Variants in CDK6 observed in about 807,000 individuals in gnomAD.
CDK6 encodes the protein cyclin-dependent kinase 6.
Under a neutral mutation model 37.1 loss-of-function variants are expected in CDK6, and 6 were observed. The observed-to-expected ratio is 0.16, with a 90% CI of 0.09 to 0.32. The LOEUF is 0.32. Ranked by LOEUF, CDK6 falls within the 10% of genes least tolerant of loss-of-function variation. The pLI, the probability that CDK6 is intolerant of heterozygous loss-of-function variation, is 1.00. For missense variants in CDK6, 224 were observed against 418.9 expected (o/e 0.53, Z 4.06); for synonymous variants, 160 against 161.3 (o/e 0.99, Z 0.06).
chr7:92,698,548 G>T (rs1160822431), intron 4 of CDK6, among the ~76,000 whole-genome samples: 1 of 152,130 alleles, frequency 6.6e-6, no homozygotes, highest in Non-Finnish European at 1.5e-5. Context: ...AATTAATACA[G>T]CCGAAGAAAA....
chr7:92,721,029 A>T (rs1186117964), intron 4 of CDK6, among the ~76,000 whole-genome samples: 4 of 152,240 alleles, frequency 2.6e-5, no homozygotes, highest in Admixed American at 6.5e-5. Flanking sequence ...AATAGAGGTC[A>T]GAGAAGTTAA....
chr7:92,707,164 T>C (rs373399125), intron 4 of CDK6, among the ~76,000 whole-genome samples: 70 of 152,344 alleles, frequency 4.6e-4, no homozygotes, highest in African/African-American at 1.6e-3. Flanking sequence ...AGTATTACTA[T>C]TACATAATTT....
At chr7:92,636,660 T>A (rs1273167938) in intron 5 of CDK6, among the ~76,000 whole-genome samples, 1 of 152,166 alleles carries the variant, frequency 6.6e-6, no homozygotes, top group Non-Finnish European at 1.5e-5. Flanking sequence ...TTAAAAAAGA[T>A]AAAATATTTA....
intron 2 of CDK6, among the ~76,000 whole-genome samples, chr7:92,824,082 A>C (rs966773601): frequency 4.6e-5 from 7 of 151,870 alleles, no homozygotes; most frequent in Middle Eastern, 3.4e-3. Flanking sequence ...GTTTTTTTTT[A>C]ATCATTAGGA....
intron 5 of CDK6, among the ~76,000 whole-genome samples, chr7:92,655,918 T>TA (rs112390025): frequency 6.6e-6 from 1 of 152,384 alleles, no homozygotes; most frequent in African/African-American, 2.4e-5. Context: ...CAACAACTCT[T>TA]AAACAATCCT....
chr7:92,814,731 G>T (rs527404993), intron 2 of CDK6, among the ~76,000 whole-genome samples: 1 of 151,966 alleles, frequency 6.6e-6, no homozygotes, highest in Admixed American at 6.5e-5. Flanking sequence ...AAAAAGGAGA[G>T]AATTTAGTAA....
chr7:92,761,162 A>T (rs1303142476), intron 3 of CDK6, among the ~76,000 whole-genome samples: 1 of 152,066 alleles, frequency 6.6e-6, no homozygotes, highest in Non-Finnish European at 1.5e-5. Context: ...TAAAATTTTT[A>T]TAGTCTAATG....
At chr7:92,648,584 T>A (rs1028787300) in intron 5 of CDK6, among the ~76,000 whole-genome samples, 1 of 152,212 alleles carries the variant, frequency 6.6e-6, no homozygotes, top group African/African-American at 2.4e-5. Context: ...GAACTTACCA[T>A]CTCAATAAAT....
At position 92,692,381 on chromosome 7, in the gene CDK6, C is replaced by T. The variant is rs377019231; in HGVS notation, c.538-20846G>A. ...TCCATGTGCTAATTAGCAAGAGCTA[C>T]TATCTGATGAGTGCCTGTTTTACTC... On this transcript the variant is annotated intron_variant, in intron 4 of 7. Coordinates refer to ENST00000424848, the MANE Select transcript of CDK6 (RefSeq NM_001145306.2). Among the ~76,000 whole-genome samples, 197 of 152,334 alleles carry T rather than the reference C, an allele frequency of 1.3e-3. 1 individual carries two copies. Among genetic ancestry groups the T allele is most frequent in the African/African-American group, 4.3e-3 (178 of 41,578 alleles).
chr7:92,800,256 A>G (rs1033327055), intron 2 of CDK6, among the ~76,000 whole-genome samples: 5 of 151,804 alleles, frequency 3.3e-5, no homozygotes, highest in Non-Finnish European at 5.9e-5. Flanking sequence ...TATGATTCTG[A>G]CCCTATCGAT....
At position 92,605,664 on chromosome 7, in the gene CDK6, T is replaced by C. The variant is rs929093231; in HGVS notation, c.*9476A>G. 1 of 233,148 alleles carries C rather than the reference T, an allele frequency of 4.3e-6. No homozygotes were observed. Among genetic ancestry groups the C allele is most frequent in the African/African-American group, 2.2e-5 (1 of 45,350 alleles). 14.4% of individuals were successfully genotyped at this position (233,148 alleles called of 1,614,324 possible). ...AGCCTTAGAGATAAGCTTTCTTTCT[T>C]TCTTCTTCTTTTGCTTCAAGAGGGC... is the stretch of plus-strand genomic sequence containing the variant. On this transcript the variant is annotated 3_prime_UTR_variant, in exon 8 of 8. Coordinates refer to ENST00000424848, the MANE Select transcript of CDK6 (RefSeq NM_001145306.2).
intron 5 of CDK6, among the ~76,000 whole-genome samples, chr7:92,658,024 C>T (rs1227289812): frequency 1.3e-5 from 2 of 152,156 alleles, no homozygotes; most frequent in African/African-American, 4.8e-5. Context: ...GGCCAACCTC[C>T]ACTTGATATT....
intron 3 of CDK6, among the ~76,000 whole-genome samples, chr7:92,772,309 A>T (rs1268783219): frequency 6.6e-6 from 1 of 152,124 alleles, no homozygotes; most frequent in Non-Finnish European, 1.5e-5. Context: ...TGCCTGAAAT[A>T]TTTCATTTGA....
chr7:92,606,877 C>T lies in CDK6; in HGVS notation c.*8263G>A, dbSNP rs1236855960. On this transcript the variant is annotated 3_prime_UTR_variant, in exon 8 of 8. Coordinates refer to ENST00000424848, the MANE Select transcript of CDK6 (RefSeq NM_001145306.2). ...AACCAATATTTTTCTTTTCTTAACA[C>T]ATACTGCTCTTCTATACCAAACACT... 4.3e-6 allele frequency: 1 copy of T among 232,842 alleles called. No homozygotes were observed. Among genetic ancestry groups the T allele is most frequent in the African/African-American group, 2.2e-5 (1 of 45,328 alleles). The allele number at this position is 232,842 out of a possible 1,614,324, so 14.4% of individuals were successfully genotyped here.
At chr7:92,666,533 CAAAT>C (rs1482417949) in intron 5 of CDK6, among the ~76,000 whole-genome samples, 2 of 152,284 alleles carry the variant, frequency 1.3e-5, no homozygotes, top group East Asian at 1.9e-4. Context: ...GTGTATCAGA[CAAAT>C]AAATAACCGG....
Position 92,800,551 on chromosome 7 carries a change from C to G in CDK6, c.234-25720G>C, listed in dbSNP as rs1035429811. Among the ~76,000 whole-genome samples the G allele has an allele frequency of 2.0e-5, 3 of 152,152 alleles. 1 individual carries two copies. The South Asian group carries it at 6.2e-4, about 32-fold the overall frequency. Reference sequence around the variant, plus strand: ...ACAGGTACACACACACTTTCTCTCTCCCCACTAGGTTATAAACTCACTTAA... The same window carrying G: ...ACAGGTACACACACACTTTCTCTCTGCCCACTAGGTTATAAACTCACTTAA... On this transcript the variant is annotated intron_variant, in intron 2 of 7. Coordinates refer to ENST00000424848, the MANE Select transcript of CDK6 (RefSeq NM_001145306.2).
chr7:92,704,416 G>A (rs562471279), intron 4 of CDK6, among the ~76,000 whole-genome samples: 22 of 152,042 alleles, frequency 1.4e-4, no homozygotes, highest in African/African-American at 4.8e-4. Context: ...TCTCTCTTTT[G>A]TTCTTCTGTA....
chr7:92,626,508 TA>T (rs1795931564), intron 5 of CDK6, among the ~76,000 whole-genome samples: 1 of 152,028 alleles, frequency 6.6e-6, no homozygotes, highest in African/African-American at 2.4e-5. Flanking sequence ...CACAGATGAG[TA>T]AGTGGCTAAG....
chr7:92,787,743 G>A (rs1001839047), intron 2 of CDK6, among the ~76,000 whole-genome samples: 2 of 151,880 alleles, frequency 1.3e-5, no homozygotes, highest in African/African-American at 2.4e-5. Flanking sequence ...AGACTACCAC[G>A]AAACAAAAGA....
Sources: allele counts gnomAD v4.1 joint callset (sites outside exome capture counted in the v4.1 genomes callset), GRCh38; gene constraint gnomAD v4.1.1; transcripts MANE v1.5; gene names NCBI Gene and HGNC (gene_info 2026-07-23, HGNC 2026-07-21).